The following CHIC1 variants were observed in gnomAD, a reference collection of about 807,000 sequenced individuals.
CHIC1 encodes cysteine-rich hydrophobic domain-containing protein 1.
In CHIC1, 7 loss-of-function variants were observed where a neutral mutation model predicts 18.5. The ratio of observed to expected loss-of-function variants is 0.38; its 90% CI spans 0.22 to 0.71. The LOEUF is 0.71. Among genes scored for constraint, CHIC1 ranks in the 30% least tolerant of loss-of-function variants. The pLI is 0.49. For synonymous variants in CHIC1, 77 were observed against 73.5 expected, an observed-to-expected ratio of 1.05 and a Z score of -0.25; for missense variants, 159 against 176.9, an observed-to-expected ratio of 0.90 and a Z score of 0.57.
chrX:73,564,798 T>TTG (rs1255516646), intron 1 of CHIC1, among the ~76,000 whole-genome samples: 1 of 90,239 alleles, frequency 1.1e-5, no homozygotes, highest in Non-Finnish European at 2.1e-5. Context: ...TGAGTTTTTT[T>TTG]TTTTTTTTTT....
In CHIC1 at chrX:73,681,945, A is replaced by C. The variant is rs2058100967; in HGVS notation, c.*940A>C. 1 of 111,953 alleles carries C rather than the reference A, an allele frequency of 8.9e-6. No individual in the cohort carries two copies. The highest frequency in any genetic ancestry group is 3.2e-5 in the African/African-American group (1 of 30,905). The allele number at this position is 111,953 out of a possible 1,213,427, so 9.2% of individuals were successfully genotyped here. ...ACATTTCACAGTCTCACTATCCTGC[A>C]TTTATTAGCCTTTTCTTCCTTTGAA... is the stretch of plus-strand genomic sequence containing the variant. On this transcript the variant is annotated 3_prime_UTR_variant, in exon 6 of 6. Coordinates refer to ENST00000373502, the MANE Select transcript of CHIC1 (RefSeq NM_001039840.4).
chrX:73,565,989 A>T (rs1412499939), intron 1 of CHIC1, among the ~76,000 whole-genome samples: 1 of 110,574 alleles, frequency 9.0e-6, no homozygotes, highest in Non-Finnish European at 1.9e-5. Context: ...CATCCTCTCC[A>T]CATTGCCCGT....
At chrX:73,644,760 A>G (rs2057879493) in intron 3 of CHIC1, among the ~76,000 whole-genome samples, 1 of 110,250 alleles carries the variant, frequency 9.1e-6, no homozygotes, top group South Asian at 3.9e-4. Flanking sequence ...GGTGGGAGTG[A>G]CCCAATTTTC....
intron 1 of CHIC1, among the ~76,000 whole-genome samples, chrX:73,574,949 C>T: frequency 9.1e-6 from 1 of 109,536 alleles, no homozygotes; most frequent in Admixed American, 9.8e-5. Context: ...TTATTTTGTT[C>T]TTGTTTTCAT....
intron 3 of CHIC1, among the ~76,000 whole-genome samples, chrX:73,660,505 G>A (rs1024527391): frequency 1.8e-5 from 2 of 111,945 alleles, no homozygotes; most frequent in African/African-American, 6.5e-5. Context: ...TACCCTACGC[G>A]AGTTGCAGTG....
chrX:73,666,287 TTTA>T (rs1184191922), intron 3 of CHIC1, among the ~76,000 whole-genome samples: 1 of 111,109 alleles, frequency 9.0e-6, no homozygotes, highest in African/African-American at 3.3e-5. Flanking sequence ...TATTGGGGAG[TTTA>T]TTATGTATTA....
chrX:73,634,271 T>G (rs2057821403), intron 3 of CHIC1, among the ~76,000 whole-genome samples: 1 of 112,331 alleles, frequency 8.9e-6, no homozygotes, highest in African/African-American at 3.2e-5. Context: ...GCTTCACTTG[T>G]TCTGTCCTAG....
At chrX:73,581,072 C>T (rs1174876361) in intron 2 of CHIC1, among the ~76,000 whole-genome samples, 1 of 110,653 alleles carries the variant, frequency 9.0e-6, no homozygotes, top group Non-Finnish European at 1.9e-5. Flanking sequence ...AGCTTTTGGC[C>T]CTCAGCTTGA....
chrX:73,678,285 G>C (rs66526533), intron 3 of CHIC1, among the ~76,000 whole-genome samples: 5,679 of 112,191 alleles, frequency 0.051, 366 homozygotes, highest in African/African-American at 0.17. Flanking sequence ...GTGCCAGGTA[G>C]ACTGGTCCTC....
At chrX:73,587,810 A>G (rs1344779839) in intron 3 of CHIC1, among the ~76,000 whole-genome samples, 1 of 111,734 alleles carries the variant, frequency 8.9e-6, no homozygotes, top group Non-Finnish European at 1.9e-5. Flanking sequence ...GACAACATGC[A>G]TAAAGTGAGT....
intron 1 of CHIC1, among the ~76,000 whole-genome samples, chrX:73,573,347 GT>G (rs2147540543): frequency 9.0e-6 from 1 of 111,462 alleles, no homozygotes; most frequent in East Asian, 2.8e-4. Flanking sequence ...CTGTACCCTT[GT>G]AGTATAGTTT....
At chrX:73,668,073 A>G (rs1400890209) in intron 3 of CHIC1, among the ~76,000 whole-genome samples, 1 of 110,889 alleles carries the variant, frequency 9.0e-6, no homozygotes, top group Non-Finnish European at 1.9e-5. Context: ...TCATTCTTTT[A>G]TCTGTATTGT....
At chrX:73,565,470 C>T (rs932512004) in intron 1 of CHIC1, among the ~76,000 whole-genome samples, 9 of 111,536 alleles carry the variant, frequency 8.1e-5, no homozygotes, top group Non-Finnish European at 1.3e-4. Context: ...TAGGAGCATG[C>T]GGGTAGTACT....
chrX:73,674,116 A>G (rs1352979798), intron 3 of CHIC1, among the ~76,000 whole-genome samples: 1 of 111,903 alleles, frequency 8.9e-6, no homozygotes, highest in Non-Finnish European at 1.9e-5. Context: ...ATCATGGTGG[A>G]TAAGCTTTTT....
intron 3 of CHIC1, among the ~76,000 whole-genome samples, chrX:73,635,789 T>G (rs901669579): frequency 8.9e-6 from 1 of 112,207 alleles, no homozygotes; most frequent in African/African-American, 3.2e-5. Context: ...TGTTTATCTT[T>G]TTCAATAACT....
intron 3 of CHIC1, among the ~76,000 whole-genome samples, chrX:73,591,717 G>A (rs2057582867): frequency 9.0e-6 from 1 of 111,690 alleles, no homozygotes. Context: ...TGTGAAAGGT[G>A]TAAGGTATGT....
chrX:73,563,422 G>T lies in CHIC1; in HGVS notation c.138G>T (p.Glu46Asp). The change falls in exon 1 of 6, where the codon GAG becomes GAT. Residue 46 changes from glutamate (E) to aspartate (D), a missense_variant. Transcript: ENST00000373502. Reference sequence around the variant, plus strand: ...TATCTGGGCCCGACGATGACGAGGAGGATGAGGAGGAAGAGGAGGAAGAGG... The same window carrying T: ...TATCTGGGCCCGACGATGACGAGGATGATGAGGAGGAAGAGGAGGAAGAGG... Reference protein sequence around the residue: ...SSVSGPDDDEEDEEEEEEEEE... With the variant: ...SSVSGPDDDEDDEEEEEEEEE... 1 of 1,161,480 alleles carries T rather than the reference G, an allele frequency of 8.6e-7. No individual in the cohort carries two copies. The highest frequency in any genetic ancestry group is 3.3e-5 in the East Asian group (1 of 30,702).
At chrX:73,601,037 C>T (rs1314410422) in intron 3 of CHIC1, among the ~76,000 whole-genome samples, 1 of 107,708 alleles carries the variant, frequency 9.3e-6, no homozygotes, top group Non-Finnish European at 1.9e-5. Flanking sequence ...GCACCCAGTA[C>T]AGGAGCACCC....
At chrX:73,663,115 T>C (rs1387676675) in intron 3 of CHIC1, among the ~76,000 whole-genome samples, 2 of 111,636 alleles carry the variant, frequency 1.8e-5, no homozygotes, top group Non-Finnish European at 3.8e-5. Context: ...GGAATCACCA[T>C]GGGGGAAGGG....
Sources: allele counts gnomAD v4.1 joint callset (sites outside exome capture counted in the v4.1 genomes callset), GRCh38; gene constraint gnomAD v4.1.1; transcripts MANE v1.5; gene names NCBI Gene and HGNC (gene_info 2026-07-23, HGNC 2026-07-21).